Variants in NF1 observed in about 807,000 individuals in gnomAD.
The protein encoded by NF1 is neurofibromin 1, also known as neurofibromin.
A neutral mutation model predicts 325.7 loss-of-function variants in NF1; 122 were observed. That is an observed-to-expected ratio of 0.37 (90% CI 0.32 to 0.44). The LOEUF (loss-of-function observed/expected upper bound fraction) is 0.44, where lower values mean the gene tolerates loss of function less well. Among genes scored for constraint, NF1 ranks in the 20% least tolerant of loss-of-function variants. NF1 has a pLI of 1.00. For missense variants in NF1, 2,140 were observed against 3,415.4 expected (o/e 0.63, Z 9.31); for synonymous variants, 1,091 against 1,186.0 (o/e 0.92, Z 1.65).
At chr17:31,328,264 C>T (rs2069398394) in intron 38 of NF1, among the ~76,000 whole-genome samples, 1 of 152,178 alleles carries the variant, frequency 6.6e-6, no homozygotes, top group Non-Finnish European at 1.5e-5. Context: ...CCACCTACAT[C>T]ACTCTTAACA....
At chr17:31,130,220 G>A (rs1156522349) in intron 1 of NF1, among the ~76,000 whole-genome samples, 4 of 152,034 alleles carry the variant, frequency 2.6e-5, no homozygotes, top group Non-Finnish European at 5.9e-5. Flanking sequence ...AACTCTGGGG[G>A]ACTGGCATTG....
At chr17:31,102,850 ATTT>A (rs1234960476) in intron 1 of NF1, among the ~76,000 whole-genome samples, 1 of 140,436 alleles carries the variant, frequency 7.1e-6, no homozygotes, top group Non-Finnish European at 1.6e-5. Flanking sequence ...CTTCTTCTTC[ATTT>A]TTTTTTTTTT....
chr17:31,140,179 G>A (rs995504051), intron 1 of NF1, among the ~76,000 whole-genome samples: 13 of 152,198 alleles, frequency 8.5e-5, no homozygotes, highest in African/African-American at 3.1e-4. Flanking sequence ...ATCTGGTTAT[G>A]TAATTACAGT....
At chr17:31,128,719 G>A (rs548487451) in intron 1 of NF1, among the ~76,000 whole-genome samples, 54 of 151,984 alleles carry the variant, frequency 3.6e-4, no homozygotes, top group African/African-American at 1.2e-3. Context: ...TCAGGAGATC[G>A]AGACCATCCT....
intron 36 of NF1, among the ~76,000 whole-genome samples, chr17:31,308,145 C>CT (rs953335153): frequency 1.3e-3 from 185 of 145,538 alleles, no homozygotes; most frequent in Middle Eastern, 7.2e-3. Flanking sequence ...CTTCCTTTTT[C>CT]TTTTTTTTTT....
At chr17:31,310,267 AAAC>A (rs1201846629) in intron 36 of NF1, among the ~76,000 whole-genome samples, 2 of 152,170 alleles carry the variant, frequency 1.3e-5, no homozygotes, top group East Asian at 1.9e-4. Context: ...AAAAGAGAAA[AAAC>A]AAAAACTCTA....
Position 31,175,281 on chromosome 17 carries a change from A to G in NF1, c.586+5284A>G, listed in dbSNP as rs1364473194. 2.7e-5 allele frequency among the ~76,000 whole-genome samples: 4 copies of G among 147,598 alleles called. No homozygotes were observed. In the East Asian group the frequency reaches 8.1e-4, roughly 30 times the overall value. Reference sequence around the variant, plus strand: ...GTAAAACCACCAGATGTTAACTGTGATTGTCTCTGAATGATAGAATCATTG... The same window carrying G: ...GTAAAACCACCAGATGTTAACTGTGGTTGTCTCTGAATGATAGAATCATTG... On this transcript the variant is annotated intron_variant, in intron 5 of 57. Transcript: ENST00000358273.
intron 31 of NF1, 147 bp downstream of exon 31, chr17:31,253,147 C>G (rs2067523494): frequency 1.5e-6 from 1 of 661,864 alleles, no homozygotes; most frequent in Non-Finnish European, 2.7e-6. Context: ...GCTTTCATTT[C>G]AATTAACCCT....
chr17:31,318,723 A>C, intron 36 of NF1: 1 of 1,614,156 alleles, frequency 6.2e-7, no homozygotes, highest in Non-Finnish European at 8.5e-7. Context: ...TGACGACAGA[A>C]GGTATATAAA....
rs1911522429 is a variant in NF1 at position 31,095,120 on chromosome 17, C to T, written c.-190C>T. On this transcript the variant is annotated 5_prime_UTR_variant, in exon 1 of 58. Coordinates refer to ENST00000358273, the MANE Select transcript of NF1 (RefSeq NM_001042492.3). ...CTCCCCCCAGCCTCCTTGCCAACGC[C>T]CCCTTTCCCTCTCCCCCTCCCGCTC... The T allele has an allele frequency of 2.3e-6, 1 of 439,934 alleles. No individual in the cohort carries two copies. The highest frequency in any genetic ancestry group is 3.9e-5 in the Admixed American group (1 of 25,950). The allele number at this position is 439,934 out of a possible 1,614,324, so 27.3% of individuals were successfully genotyped here. A position where few individuals can be genotyped will look rare whatever the true frequency, so the allele number is the denominator to read the frequency against.
intron 29 of NF1, among the ~76,000 whole-genome samples, chr17:31,246,295 T>C (rs547583621): frequency 4.4e-4 from 67 of 152,384 alleles, no homozygotes; most frequent in Non-Finnish European, 4.8e-4. Flanking sequence ...ATGCAAATTC[T>C]GTGCCTCCTT....
chr17:31,313,917 A>T, intron 36 of NF1: 1 of 396,984 alleles, frequency 2.5e-6, no homozygotes, highest in East Asian at 3.6e-5. Context: ...CACTAATGAC[A>T]GTTTTTAAAA....
intron 11 of NF1, among the ~76,000 whole-genome samples, chr17:31,202,946 C>T (rs905327290): frequency 2.0e-5 from 3 of 152,098 alleles, no homozygotes; most frequent in African/African-American, 4.8e-5. Context: ...TGCTTTTTTC[C>T]GCTGTGGCTC....
intron 36 of NF1, chr17:31,278,201 C>T (rs1268711758): frequency 6.6e-6 from 1 of 152,068 alleles, no homozygotes; most frequent in East Asian, 1.9e-4. Flanking sequence ...TGAAATGTTT[C>T]CAGAACTGTC....
chr17:31,307,763 A>G, intron 36 of NF1: 1 of 566,948 alleles, frequency 1.8e-6, no homozygotes, highest in South Asian at 1.7e-5. Context: ...TAGGGAATAG[A>G]AAATCTTAGG....
At chr17:31,213,097 C>T (rs1363831876) in intron 12 of NF1, among the ~76,000 whole-genome samples, 2 of 152,100 alleles carry the variant, frequency 1.3e-5, no homozygotes, top group South Asian at 4.1e-4. Flanking sequence ...CACTTAGTTA[C>T]ATCAAAGTAA....
intron 1 of NF1, among the ~76,000 whole-genome samples, chr17:31,141,261 A>G (rs1249703745): frequency 6.6e-6 from 1 of 151,462 alleles, no homozygotes; most frequent in African/African-American, 2.4e-5. Context: ...TTGTGGTTGT[A>G]TCTGTAGTAC....
At position 31,319,941 on chromosome 17, in the gene NF1, A is replaced by G. The variant is rs2151529246; in HGVS notation, c.4836-5879A>G. Among the ~76,000 whole-genome samples, 4 of 152,240 alleles carry G rather than the reference A, an allele frequency of 2.6e-5. 1 individual carries two copies. The Middle Eastern group carries it at 0.014, about 518-fold the overall frequency. Reference sequence around the variant, plus strand: ...TCTTGATGATTTGGGATGAAGTGGCAGGTTATAAGCATCTCAACAGATAAT... The same window carrying G: ...TCTTGATGATTTGGGATGAAGTGGCGGGTTATAAGCATCTCAACAGATAAT... On this transcript the variant is annotated intron_variant, in intron 36 of 57. Coordinates refer to ENST00000358273, the MANE Select transcript of NF1 (RefSeq NM_001042492.3).
intron 1 of NF1, among the ~76,000 whole-genome samples, chr17:31,132,455 G>A (rs920806193): frequency 2.0e-5 from 3 of 151,994 alleles, no homozygotes; most frequent in East Asian, 1.9e-4. Flanking sequence ...CAGGAGAATC[G>A]CTTGAACCCA....
Sources: allele counts gnomAD v4.1 joint callset (sites outside exome capture counted in the v4.1 genomes callset), GRCh38; gene constraint gnomAD v4.1.1; transcripts MANE v1.5; gene names NCBI Gene and HGNC (gene_info 2026-07-23, HGNC 2026-07-21).